Variants in DOP1B observed in about 807,000 individuals in gnomAD.
DOP1B encodes the protein protein DOP1B.
DOP1B carries 174 observed loss-of-function variants against 233.5 expected under a neutral mutation model. The ratio of observed to expected loss-of-function variants is 0.75; its 90% CI spans 0.66 to 0.85. The LOEUF (loss-of-function observed/expected upper bound fraction) is 0.85, where lower values mean the gene tolerates loss of function less well. Ranked by LOEUF, DOP1B falls within the 40% of genes least tolerant of loss-of-function variation. The pLI is 0.00. For missense variants in DOP1B, 2,652 were observed against 2,846.6 expected, an observed-to-expected ratio of 0.93 and a Z score of 1.56; for synonymous variants, 1,190 against 1,185.6, an observed-to-expected ratio of 1.00 and a Z score of -0.08.
At chr21:36,205,833 C>G (rs1377539213) in intron 4 of DOP1B, among the ~76,000 whole-genome samples, 1 of 151,462 alleles carries the variant, frequency 6.6e-6, no homozygotes, top group Admixed American at 6.6e-5. Flanking sequence ...GGTGAAACCC[C>G]GTATCTACCA....
At chr21:36,202,359 C>T (rs1225730785) in intron 4 of DOP1B, among the ~76,000 whole-genome samples, 5 of 152,214 alleles carry the variant, frequency 3.3e-5, no homozygotes, top group African/African-American at 1.2e-4. Context: ...TGTTCAGTCA[C>T]TGGTGACTTT....
chr21:36,246,526 C>T lies in DOP1B; in HGVS notation c.4546C>T (p.His1516Tyr), dbSNP rs761820292. Residue 1516 changes from histidine to tyrosine, a missense_variant, in exon 19 of 37, where the codon CAT becomes TAT. His to Tyr is a moderately conservative substitution (Grantham distance 83). Coordinates refer to ENST00000691173, the MANE Select transcript of DOP1B (RefSeq NM_001320714.2). The surrounding 1 kb of genome is among the most constrained non-coding windows in gnomAD (Gnocchi z 5.1). Reference protein sequence around the residue: ...GLQPAYGYGMHPAWVSLVTHS... With the variant: ...GLQPAYGYGMYPAWVSLVTHS... ...GCAGCCCGCCTACGGTTACGGCATG[C>T]ATCCGGCCTGGGTGAGCTTGGTCAC... is the stretch of plus-strand genomic sequence containing the variant. 4 of 1,614,166 alleles carry T rather than the reference C, an allele frequency of 2.5e-6. No homozygotes were observed. The highest frequency in any genetic ancestry group is 3.4e-6 in the Non-Finnish European group (4 of 1,180,028).
intron 28 of DOP1B, among the ~76,000 whole-genome samples, chr21:36,277,602 G>A (rs1316038239): frequency 1.3e-5 from 2 of 150,932 alleles, no homozygotes; most frequent in East Asian, 3.9e-4. Flanking sequence ...TCTTATTGTT[G>A]CTCGCTTCCA....
Position 36,271,125 on chromosome 21 carries a change from TA to T in DOP1B, c.5632+983del, listed in dbSNP as rs79382444. On this transcript the variant is annotated intron_variant, in intron 27 of 36. Transcript: ENST00000691173. ...GGTAAGGGAAAAGATGTTGGAAAGT[TA>T]AAAAAAAAAAAAAAGTTTAGGCATA... 7.4e-3 allele frequency among the ~76,000 whole-genome samples: 1,023 copies of T among 138,078 alleles called. 7 individuals carry two copies. Among genetic ancestry groups the T allele is most frequent in the Middle Eastern group, 0.011 (3 of 270 alleles). The allele number at this position is 138,078 out of a possible 152,430, so 90.6% of individuals were successfully genotyped here. A position where few individuals can be genotyped will look rare whatever the true frequency, so the allele number is the denominator to read the frequency against.
intron 2 of DOP1B, among the ~76,000 whole-genome samples, chr21:36,196,464 G>A (rs1391091056): frequency 4.0e-5 from 6 of 151,280 alleles, no homozygotes; most frequent in Admixed American, 6.6e-5. Context: ...TGCTGCTACC[G>A]TCAGTCTGTT....
At chr21:36,291,703 A>G (rs1217423713) in intron 35 of DOP1B, among the ~76,000 whole-genome samples, 2 of 152,232 alleles carry the variant, frequency 1.3e-5, no homozygotes, top group Non-Finnish European at 2.9e-5. Flanking sequence ...AATACGGTTC[A>G]GCAACAAAAA....
chr21:36,283,095 A>AT (rs1400968624), intron 32 of DOP1B, among the ~76,000 whole-genome samples: 5 of 127,780 alleles, frequency 3.9e-5, no homozygotes, highest in Non-Finnish European at 6.7e-5. Flanking sequence ...TTTTGTTTTC[A>AT]TTTTGAGCCA....
chr21:36,277,488 G>A (rs558484383), intron 28 of DOP1B, among the ~76,000 whole-genome samples: 109 of 151,864 alleles, frequency 7.2e-4, no homozygotes, highest in Non-Finnish European at 1.3e-3. Flanking sequence ...TCACTGTGTT[G>A]GCCAGGATGG....
chr21:36,251,392 G>A (rs2067031634), intron 22 of DOP1B, 108 bp downstream of exon 22: 1 of 1,398,302 alleles, frequency 7.2e-7, no homozygotes, highest in South Asian at 1.5e-5. Flanking sequence ...GGAAACTATT[G>A]AGTTGATTTA....
intron 32 of DOP1B, among the ~76,000 whole-genome samples, chr21:36,283,373 G>A (rs997694270): frequency 9.2e-5 from 14 of 152,108 alleles, no homozygotes; most frequent in African/African-American, 2.7e-4. Context: ...ATGAGCCACC[G>A]CACCCAGCCG....
intron 12 of DOP1B, among the ~76,000 whole-genome samples, 155 bp downstream of exon 12, chr21:36,225,822 G>T (rs1303721059): frequency 2.0e-5 from 3 of 152,174 alleles, no homozygotes; most frequent in Admixed American, 2.0e-4. Context: ...GATATAGCTG[G>T]ATGTAATCTC....
chr21:36,223,711 G>C (rs989984750), intron 11 of DOP1B, among the ~76,000 whole-genome samples: 38 of 152,176 alleles, frequency 2.5e-4, no homozygotes, highest in African/African-American at 8.9e-4. Flanking sequence ...ACTGGATAGA[G>C]TGTTTTTGAA....
intron 2 of DOP1B, among the ~76,000 whole-genome samples, chr21:36,178,042 G>A (rs2066051990): frequency 6.6e-6 from 1 of 152,144 alleles, no homozygotes; most frequent in South Asian, 2.1e-4. Context: ...AAGGTGCTGT[G>A]GACTGAATTG....
intron 23 of DOP1B, among the ~76,000 whole-genome samples, chr21:36,259,310 G>A (rs1223978712): frequency 7.2e-6 from 1 of 138,782 alleles, no homozygotes; most frequent in Non-Finnish European, 1.5e-5. Flanking sequence ...TCGCTCTGTT[G>A]CCTAGCCTAG....
At position 36,201,092 on chromosome 21, in the gene DOP1B, G is replaced by A. The variant is rs535667002; in HGVS notation, c.491+591G>A. ...TCCCATGATGTCCTGTCCCGTTACG[G>A]AGTTACCCACAGAGTCACCATGTGT... On this transcript the variant is annotated intron_variant, in intron 4 of 36. Transcript: ENST00000691173. Among the ~76,000 whole-genome samples, 3 of 152,158 alleles carry A rather than the reference G, an allele frequency of 2.0e-5. No individual in the cohort carries two copies. The South Asian group carries it at 6.2e-4, about 32-fold the overall frequency.
chr21:36,198,929 C>T (rs1174214417), intron 2 of DOP1B, 141 bp from the exon 3 acceptor site: 7 of 857,694 alleles, frequency 8.2e-6, no homozygotes, highest in African/African-American at 3.4e-5. Context: ...CATGCAGTCC[C>T]TCTGCCCCTT....
chr21:36,186,411 G>A (rs1220065395), intron 2 of DOP1B, among the ~76,000 whole-genome samples: 1 of 151,900 alleles, frequency 6.6e-6, no homozygotes, highest in Non-Finnish European at 1.5e-5. Context: ...GTATGCATGT[G>A]TAGAGGGTGT....
intron 4 of DOP1B, among the ~76,000 whole-genome samples, chr21:36,207,490 G>GTTTTTTTTTTT (rs1027284202): frequency 8.3e-6 from 1 of 120,956 alleles, no homozygotes; most frequent in Non-Finnish European, 1.6e-5. Context: ...CAGCCAAACA[G>GTTTTTTTTTTT]TTTTTTTTGT....
chr21:36,205,192 G>A (rs1369621357), intron 4 of DOP1B, among the ~76,000 whole-genome samples: 4 of 152,208 alleles, frequency 2.6e-5, no homozygotes, highest in African/African-American at 9.6e-5. Context: ...AAGTTGTGGA[G>A]TGCTTGGGAT....
Sources: allele counts gnomAD v4.1 joint callset (sites outside exome capture counted in the v4.1 genomes callset), GRCh38; gene constraint gnomAD v4.1.1; non-coding constraint Gnocchi (gnomAD v3.1); transcripts MANE v1.5; gene names NCBI Gene and HGNC (gene_info 2026-07-23, HGNC 2026-07-21).